SHMT1: variants seen among roughly 807,000 people sequenced by gnomAD.
The protein encoded by SHMT1 is serine hydroxymethyltransferase 1, also known as serine hydroxymethyltransferase, cytosolic.
Under a neutral mutation model 49.0 loss-of-function variants are expected in SHMT1, and 45 were observed. The ratio of observed to expected loss-of-function variants is 0.92; its 90% CI spans 0.72 to 1.18. The LOEUF is 1.18. SHMT1 is among the 50% of genes most tolerant of loss of function. The pLI is 0.00. For missense variants in SHMT1, 541 were observed against 612.4 expected, an observed-to-expected ratio of 0.88 and a Z score of 1.23; for synonymous variants, 232 against 246.6, an observed-to-expected ratio of 0.94 and a Z score of 0.55.
intron 1 of SHMT1, among the ~76,000 whole-genome samples, chr17:18,359,126 T>C (rs985917783): frequency 9.3e-5 from 14 of 150,454 alleles, no homozygotes; most frequent in Non-Finnish European, 1.6e-4. Flanking sequence ...TAACCCCAGC[T>C]ACTTGGGAGG....
At chr17:18,359,450 G>A (rs550276238) in intron 1 of SHMT1, among the ~76,000 whole-genome samples, 25 of 152,216 alleles carry the variant, frequency 1.6e-4, no homozygotes, top group Non-Finnish European at 2.8e-4. Flanking sequence ...GAGGTGGGCA[G>A]ATCAACTTGA....
intron 7 of SHMT1, among the ~76,000 whole-genome samples, chr17:18,337,541 GCCCTCT>G (rs56981227): frequency 1.4e-5 from 2 of 140,568 alleles, no homozygotes; most frequent in African/African-American, 2.8e-5. Context: ...TAGTCGAACA[GCCCTCT>G]CCCTCTCCCT....
intron 7 of SHMT1, among the ~76,000 whole-genome samples, chr17:18,337,368 C>T (rs1427479253): frequency 1.3e-5 from 2 of 152,180 alleles, no homozygotes; most frequent in South Asian, 4.1e-4. Context: ...GTCTCCTGGG[C>T]GGGTGGGAAT....
chr17:18,340,801 T>C lies in SHMT1; in HGVS notation c.532A>G (p.Thr178Ala), dbSNP rs775288946. ...ESMPYKVNPD[T>A]GYINYDQLEE... The stretch of plus-strand genomic sequence containing the variant: ...AGCTGGTCATAGTTGATGTAGCCAG[T>C]ATCTGGGTTCACCTGTGGAATGTCA... Residue 178 changes from threonine (T) to alanine (A), a missense_variant, in exon 6 of 12, where the codon ACT becomes GCT. By Grantham distance (58) the Thr-to-Ala change is moderately conservative (BLOSUM62 0). Transcript: ENST00000316694. This position sits in a 1 kb window ranked among gnomAD's most constrained non-coding sequence, Gnocchi z 4.5. The C allele has an allele frequency of 1.2e-6, 2 of 1,613,380 alleles. No homozygotes were observed. Among genetic ancestry groups the C allele is most frequent in the South Asian group, 2.2e-5 (2 of 90,794 alleles).
chr17:18,351,416 A>G (rs8074044), intron 3 of SHMT1, among the ~76,000 whole-genome samples: 61,890 of 151,240 alleles, frequency 0.41, 13,052 homozygotes, highest in African/African-American at 0.5. Context: ...AAAGTGCTGG[A>G]ATTACAGGCA....
At chr17:18,330,416 G>T in intron 10 of SHMT1, 139 bp downstream of exon 10, 1 of 748,320 alleles carries the variant, frequency 1.3e-6, no homozygotes, top group South Asian at 1.4e-5. Flanking sequence ...GATTACAGGC[G>T]TGAGCCACCG....
At chr17:18,345,631 T>C (rs1985008210) in intron 5 of SHMT1, among the ~76,000 whole-genome samples, 1 of 151,820 alleles carries the variant, frequency 6.6e-6, no homozygotes, top group South Asian at 2.1e-4. Context: ...TGCCTCAGCC[T>C]CCCAAAGTGC....
intron 1 of SHMT1, among the ~76,000 whole-genome samples, chr17:18,361,669 C>T (rs1479133795): frequency 6.6e-6 from 1 of 151,864 alleles, no homozygotes; most frequent in East Asian, 1.9e-4. Context: ...GCCTGTAGTC[C>T]CAGCTACTCA....
rs1982860978 is a variant in SHMT1 at position 18,328,929 on chromosome 17, A to C, written c.1283-10T>G. On this transcript the variant is annotated splice_polypyrimidine_tract_variant and intron_variant, in intron 11 of 11. Coordinates refer to ENST00000316694, the MANE Select transcript of SHMT1 (RefSeq NM_004169.5). ...AGGGTCAGCTCTATCCCTGTGCCAC[A>C]AGACACAAATGAGTCACCCCACACT... The C allele has an allele frequency of 6.2e-7, 1 of 1,613,654 alleles. No individual in the cohort carries two copies. The highest frequency in any genetic ancestry group is 8.5e-7 in the Non-Finnish European group (1 of 1,179,892).
At chr17:18,347,127 T>C (rs1236978708) in intron 5 of SHMT1, among the ~76,000 whole-genome samples, 1 of 152,220 alleles carries the variant, frequency 6.6e-6, no homozygotes, top group Non-Finnish European at 1.5e-5. Flanking sequence ...CGAGCAGAGA[T>C]GTCACCAGGC....
rs779923936 is a variant in SHMT1, at chr17:18,330,542, G to A, written c.1171+13C>T. On this transcript the variant is annotated intron_variant, in intron 10 of 11. Coordinates refer to ENST00000316694, the MANE Select transcript of SHMT1 (RefSeq NM_004169.5). ...GGGAGAGGAGTGAAGGAGAAGGCAAGGATGATTCTCACCTGGACAGGTGTT... is the reference window on the plus strand; with the variant it reads ...GGGAGAGGAGTGAAGGAGAAGGCAAAGATGATTCTCACCTGGACAGGTGTT... The A allele has an allele frequency of 2.6e-6, 4 of 1,557,844 alleles. No individual in the cohort carries two copies. Among genetic ancestry groups the A allele is most frequent in the Admixed American group, 1.7e-5 (1 of 59,930 alleles).
intron 1 of SHMT1, among the ~76,000 whole-genome samples, chr17:18,357,773 A>G (rs1174470023): frequency 1.3e-5 from 2 of 151,488 alleles, no homozygotes; most frequent in Non-Finnish European, 2.9e-5. Flanking sequence ...GGAGGCCAGG[A>G]GTTCAAGACC....
intron 1 of SHMT1, among the ~76,000 whole-genome samples, chr17:18,356,428 T>G (rs1169381342): frequency 1.3e-5 from 2 of 152,154 alleles, no homozygotes; most frequent in South Asian, 2.1e-4. Flanking sequence ...CTCCGCCTCC[T>G]GGGTTCAAGT....
chr17:18,352,642 C>A (rs1265984449), intron 3 of SHMT1, among the ~76,000 whole-genome samples: 1 of 151,740 alleles, frequency 6.6e-6, no homozygotes, highest in East Asian at 2.0e-4. Context: ...GCAACAACAG[C>A]CTGGGTGAAA....
intron 1 of SHMT1, 102 bp from the exon 2 acceptor site, chr17:18,356,102 G>A: frequency 1.9e-6 from 1 of 535,348 alleles, no homozygotes; most frequent in East Asian, 3.9e-5. Context: ...GCCCAGGCTA[G>A]AGTGCAGTGG....
intron 1 of SHMT1, among the ~76,000 whole-genome samples, chr17:18,361,498 A>G (rs972739886): frequency 1.3e-5 from 2 of 150,926 alleles, no homozygotes; most frequent in African/African-American, 2.4e-5. Context: ...ACAAAAAAGA[A>G]AAAAGGGGGC....
At chr17:18,329,005 T>C (rs1357526762) in intron 11 of SHMT1, 86 bp from the exon 12 acceptor site, 2 of 1,543,432 alleles carry the variant, frequency 1.3e-6, no homozygotes, top group Non-Finnish European at 1.8e-6. Flanking sequence ...AATGTCAGAA[T>C]GTCCCCCAGC....
At chr17:18,330,046 C>T (rs1983021902) in intron 10 of SHMT1, among the ~76,000 whole-genome samples, 1 of 151,816 alleles carries the variant, frequency 6.6e-6, no homozygotes, top group Non-Finnish European at 1.5e-5. Context: ...AGGGTTTCAC[C>T]GCGTTAGCCT....
At chr17:18,341,382 T>G (rs983583446) in intron 5 of SHMT1, 1 of 165,724 alleles carries the variant, frequency 6.0e-6, no homozygotes, top group African/African-American at 2.4e-5. Flanking sequence ...GGCTCACACC[T>G]GTAATCCCAG....
Sources: gnomAD v4.1 joint callset for allele counts (sites outside exome capture counted in the v4.1 genomes callset) on GRCh38, gnomAD v4.1.1 for gene constraint, Gnocchi (gnomAD v3.1) non-coding constraint, MANE v1.5 for transcripts, NCBI Gene and HGNC (gene_info 2026-07-23, HGNC 2026-07-21) for gene names.